The following HERC1 variants were observed in gnomAD, a reference collection of about 807,000 sequenced individuals.
HERC1 encodes probable E3 ubiquitin-protein ligase HERC1.
A neutral mutation model predicts 554.3 loss-of-function variants in HERC1; 160 were observed. That is an observed-to-expected ratio of 0.29 (90% CI 0.25 to 0.33). The LOEUF (loss-of-function observed/expected upper bound fraction) is 0.33. HERC1 is among the 10% of genes least tolerant of loss of function. The probability of loss-of-function intolerance (pLI) is 1.00; values close to 1 mark genes in which losing one functional copy is unlikely to be tolerated. For synonymous variants in HERC1, 2,175 were observed against 2,131.7 expected (o/e 1.02, Z -0.56); for missense variants, 4,919 against 5,918.5 (o/e 0.83, Z 5.54).
At position 63,680,514 on chromosome 15, in the gene HERC1, T is replaced by C. The variant is rs755995012; in HGVS notation, c.6465+23A>G. The C allele has an allele frequency of 1.2e-6, 2 of 1,609,462 alleles. No homozygotes were observed. Among genetic ancestry groups the C allele is most frequent in the Non-Finnish European group, 1.7e-6 (2 of 1,177,858 alleles). ...ATAAATAGAAACAAGAAAAATGTAA[T>C]GCTTGTGAATGGGTGTCGGTACCTC... On this transcript the variant is annotated intron_variant, in intron 35 of 77. Transcript: ENST00000443617. This position sits in a 1 kb window ranked among gnomAD's most constrained non-coding sequence, Gnocchi z 5.8.
Position 63,656,074 on chromosome 15 carries a change from T to C in HERC1, c.9870+14A>G, listed in dbSNP as rs1242846433. The C allele has an allele frequency of 5.6e-6, 9 of 1,608,606 alleles. No homozygotes were observed. The Admixed American group carries it at 6.7e-5, about 12-fold the overall frequency. On this transcript the variant is annotated intron_variant, in intron 49 of 77. Coordinates refer to ENST00000443617, the MANE Select transcript of HERC1 (RefSeq NM_003922.4). ...TAATCAATGTAACGGGGAAAAGTAC[T>C]GAAAGTAGCTTACCTGTGTACACAA...
chr15:63,757,505 G>A (rs976935407), intron 4 of HERC1, among the ~76,000 whole-genome samples: 1 of 151,936 alleles, frequency 6.6e-6, no homozygotes, highest in African/African-American at 2.4e-5. Flanking sequence ...GATCTCAAAC[G>A]ATCCACCCGC....
At chr15:63,675,824 A>G (rs780719845) in intron 37 of HERC1, among the ~76,000 whole-genome samples, 1 of 150,616 alleles carries the variant, frequency 6.6e-6, no homozygotes, top group African/African-American at 2.4e-5. Context: ...TTGGTTCTAT[A>G]TTACCTTTCT....
chr15:63,618,197 G>A (rs1351503742), intron 74 of HERC1, among the ~76,000 whole-genome samples: 1 of 150,992 alleles, frequency 6.6e-6, no homozygotes, highest in Non-Finnish European at 1.5e-5. Context: ...GTGTAAGGAA[G>A]GGATCCAGTT....
chr15:63,736,927 A>G (rs139467237), intron 12 of HERC1, among the ~76,000 whole-genome samples: 2 of 152,186 alleles, frequency 1.3e-5, no homozygotes, highest in Admixed American at 6.6e-5. Context: ...ACTCTTACCC[A>G]TGATTGGCTT....
Position 63,725,432 on chromosome 15 carries a change from C to G in HERC1, c.3428G>C (p.Arg1143Thr). 1 of 1,613,902 alleles carries G rather than the reference C, an allele frequency of 6.2e-7. No homozygotes were observed. The highest frequency in any genetic ancestry group is 2.2e-5 in the East Asian group (1 of 44,872). Residue 1143 changes from arginine (R) to threonine (T), a missense_variant, in exon 18 of 78, where the codon AGA (arginine) becomes ACA (threonine). Arg to Thr is a moderately conservative substitution (Grantham distance 71). This residue lies in a region of HERC1 where 1,121 missense variants were observed against 1,244.0 expected (regional missense o/e 0.90). Transcript: ENST00000443617. ...CCGCCCAATAAGGAGAGCAATTGTT[C>G]TTTCTAGATCCACAAGCCATACCCA... The part of the protein sequence containing the change: ...QSWVWLVDLE[R>T]TIALLIGRCL...
At chr15:63,676,122 A>T (rs1446789894) in intron 37 of HERC1, among the ~76,000 whole-genome samples, 1 of 152,076 alleles carries the variant, frequency 6.6e-6, no homozygotes, top group East Asian at 1.9e-4. Context: ...GGCCGGTCTC[A>T]AACTCCTGAC....
chr15:63,709,729 G>C (rs1377682202), intron 24 of HERC1, among the ~76,000 whole-genome samples: 1 of 152,140 alleles, frequency 6.6e-6, no homozygotes, highest in Non-Finnish European at 1.5e-5. Context: ...AATATGTAAA[G>C]CACTGTGTAG....
intron 17 of HERC1, among the ~76,000 whole-genome samples, chr15:63,725,733 G>C (rs2074012313): frequency 6.6e-6 from 1 of 152,052 alleles, no homozygotes; most frequent in African/African-American, 2.4e-5. Context: ...CCTTGGAAAA[G>C]TTACTAATTT....
chr15:63,696,396 C>T (rs2072414385), intron 26 of HERC1, 57 bp from the exon 27 acceptor site: 2 of 1,229,528 alleles, frequency 1.6e-6, no homozygotes, highest in Non-Finnish European at 2.3e-6. Flanking sequence ...TGATGAAACT[C>T]TGTATGCCAA....
intron 55 of HERC1, among the ~76,000 whole-genome samples, chr15:63,647,011 T>G (rs570513886): frequency 6.6e-6 from 1 of 151,880 alleles, no homozygotes; most frequent in Non-Finnish European, 1.5e-5. Context: ...TCCCAGCACT[T>G]TGGGAGGCTG....
At chr15:63,786,682 G>T (rs1192828435) in intron 1 of HERC1, among the ~76,000 whole-genome samples, 1 of 152,130 alleles carries the variant, frequency 6.6e-6, no homozygotes, top group Non-Finnish European at 1.5e-5. Context: ...CTATTTATAA[G>T]AAATGTACAG....
Position 63,754,552 on chromosome 15 carries a change from A to G in HERC1, c.1727T>C (p.Leu576Pro). ...CCATACAGTTCTCCCATCTTTAGAC[A>G]GAGCAATAGTATGTGAACTGCCACA... ...VSCGSSHTIA[L>P]SKDGRTVWSF... The change falls in exon 7 of 78, where the codon CTG becomes CCG. Residue 576 changes from leucine to proline, a missense_variant. Coordinates refer to ENST00000443617, the MANE Select transcript of HERC1 (RefSeq NM_003922.4). The G allele has an allele frequency of 6.2e-7, 1 of 1,613,152 alleles. No homozygotes were observed. The highest frequency in any genetic ancestry group is 8.5e-7 in the Non-Finnish European group (1 of 1,179,432).
In HERC1 at chr15:63,712,869, C is replaced by T. The variant is rs1443824538; in HGVS notation, c.4490G>A (p.Arg1497Gln). ...TRSESLTAES[R>Q]LVHTSPNYRL... ...ATAATTTGGGCTTGTGTGGACTAGC[C>T]GGCTCTCTGCAGTAAGACTTTCACT... The change falls in exon 24 of 78, where the codon CGG (arginine) becomes CAG (glutamine). Residue 1497 changes from arginine to glutamine, a missense_variant. Transcript: ENST00000443617. 1.5e-5 allele frequency: 25 copies of T among 1,613,242 alleles called. No homozygotes were observed. Among genetic ancestry groups the T allele is most frequent in the African/African-American group, 9.4e-5 (7 of 74,832 alleles).
intron 12 of HERC1, among the ~76,000 whole-genome samples, chr15:63,742,586 T>C (rs1396725213): frequency 6.6e-6 from 1 of 152,210 alleles, no homozygotes; most frequent in Non-Finnish European, 1.5e-5. Context: ...CTCCATTGAA[T>C]ATGATATTAA....
In HERC1 at chr15:63,669,807, T is replaced by C. The variant is rs62014174; in HGVS notation, c.8046-109A>G. The C allele has an allele frequency of 0.18, 170,295 of 957,094 alleles. 17,153 individuals are homozygous for C. The highest frequency in any genetic ancestry group is 0.19 in the Non-Finnish European group (120,817 of 631,064). 59.3% of individuals were successfully genotyped at this position (957,094 alleles called of 1,614,324 possible). On this transcript the variant is annotated intron_variant, in intron 39 of 77. Coordinates refer to ENST00000443617, the MANE Select transcript of HERC1 (RefSeq NM_003922.4). ...CAACCTGGAAGACTAAACAGGTTAG[T>C]TATAGTTTAATGGAGGGTGGGGAGA...
intron 67 of HERC1, 63 bp from the exon 68 acceptor site, chr15:63,632,874 C>T: frequency 2.6e-6 from 3 of 1,147,818 alleles, no homozygotes; most frequent in Non-Finnish European, 2.5e-6. Context: ...TTGAATTTGC[C>T]TAATGGCATG....
At chr15:63,721,661 T>G (rs567574187) in intron 19 of HERC1, among the ~76,000 whole-genome samples, 2 of 152,176 alleles carry the variant, frequency 1.3e-5, no homozygotes, top group African/African-American at 4.8e-5. Flanking sequence ...ATGTATTTAT[T>G]TTTGCCATTT....
intron 41 of HERC1, 82 bp from the exon 42 acceptor site, chr15:63,666,232 T>C: frequency 7.2e-7 from 1 of 1,391,086 alleles, no homozygotes; most frequent in Admixed American, 2.3e-5. Flanking sequence ...GCTATGATGC[T>C]CTTGTAACAA....
Sources: allele counts gnomAD v4.1 joint callset (sites outside exome capture counted in the v4.1 genomes callset), GRCh38; gene constraint gnomAD v4.1.1; regional missense constraint gnomAD v4.1.1; non-coding constraint Gnocchi (gnomAD v3.1); transcripts MANE v1.5; gene names NCBI Gene and HGNC (gene_info 2026-07-23, HGNC 2026-07-21).